The following LRP1 variants were observed in gnomAD, a reference collection of about 807,000 sequenced individuals.
LRP1 encodes LDL receptor related protein 1.
LRP1 carries 51 observed loss-of-function variants against 541.5 expected under a neutral mutation model. The ratio of observed to expected loss-of-function variants is 0.09; its 90% confidence interval spans 0.08 to 0.12. The LOEUF (loss-of-function observed/expected upper bound fraction) is 0.12. Among genes scored for constraint, LRP1 ranks in the 10% least tolerant of loss-of-function variants. LRP1 has a pLI of 1.00. For missense variants in LRP1, 3,878 were observed against 6,376.2 expected (o/e 0.61, Z 13.34); for synonymous variants, 2,219 against 2,470.8 (o/e 0.90, Z 3.02).
chr12:57,156,044 G>A lies in LRP1; in HGVS notation c.1228-50G>A. The stretch of plus-strand genomic sequence containing the variant: ...AGCTGAGGGGATCTCCAGGACAGAG[G>A]GAGGAACCCCTGTCATCTCATGCTG... On this transcript the variant is annotated intron_variant, in intron 8 of 88. Coordinates refer to ENST00000243077, the MANE Select transcript of LRP1 (RefSeq NM_002332.3). The surrounding 1 kb of genome is among the most constrained non-coding windows in gnomAD (Gnocchi z 5.2). 2 of 1,515,346 alleles carry A rather than the reference G, an allele frequency of 1.3e-6. No individual in the cohort carries two copies. The highest frequency in any genetic ancestry group is 1.8e-6 in the Non-Finnish European group (2 of 1,099,362). The allele number at this position is 1,515,346 out of a possible 1,614,324, so 93.9% of individuals were successfully genotyped here. A position where few individuals can be genotyped will look rare whatever the true frequency, so the allele number is the denominator to read the frequency against.
rs551675937 is a variant in LRP1, at chr12:57,189,057, G to A, written c.7031+1601G>A. Among the ~76,000 whole-genome samples, 13 of 152,298 alleles carry A rather than the reference G, an allele frequency of 8.5e-5. No individual in the cohort carries two copies. The highest frequency in any genetic ancestry group is 5.8e-4 in the East Asian group (3 of 5,186). On this transcript the variant is annotated intron_variant, in intron 42 of 88. Transcript: ENST00000243077. This position sits in a 1 kb window ranked among gnomAD's most constrained non-coding sequence, Gnocchi z 4.4. The stretch of plus-strand genomic sequence containing the variant: ...CAGCCTCCTCCTGAGCCCTCCCCGC[G>A]TCAGCACTGGAGCACTGATGGCCCT...
chr12:57,134,694 CCTTTCTTT>C (rs1011616671), intron 1 of LRP1, among the ~76,000 whole-genome samples: 1 of 151,840 alleles, frequency 6.6e-6, no homozygotes, highest in Non-Finnish European at 1.5e-5. Flanking sequence ...CATCTGGTTT[CCTTTCTTT>C]CTTTCTTTTT....
intron 44 of LRP1, among the ~76,000 whole-genome samples, chr12:57,192,309 G>A (rs146486310): frequency 2.0e-5 from 3 of 151,986 alleles, no homozygotes; most frequent in African/African-American, 7.2e-5. Context: ...CTCTGCACAC[G>A]CCTGGCATCT....
In LRP1 at chr12:57,195,377, C is replaced by T. The variant is rs547080851; in HGVS notation, c.8415C>T (p.Asp2805=). 1.2e-5 allele frequency: 20 copies of T among 1,608,898 alleles called. No homozygotes were observed. The highest frequency in any genetic ancestry group is 1.6e-4 in the Middle Eastern group (1 of 6,062). ...ACAAAGACTGTGCTGATGGTGCAGACGAGAGCATCGCAGCTGGTTGCTGTG... is the reference window on the plus strand; with the variant it reads ...ACAAAGACTGTGCTGATGGTGCAGATGAGAGCATCGCAGCTGGTTGCTGTG... ...DGDKDCADGA[D]ESIAAGCLYN... Residue 2805 remains aspartate, a synonymous_variant, in exon 52 of 89, where the codon GAC becomes GAT. Coordinates refer to ENST00000243077, the MANE Select transcript of LRP1 (RefSeq NM_002332.3).
At position 57,179,092 on chromosome 12, in the gene LRP1, G is replaced by C; in HGVS notation, c.4738+71G>C. The C allele has an allele frequency of 6.4e-7, 1 of 1,558,098 alleles. No homozygotes were observed. Among genetic ancestry groups the C allele is most frequent in the South Asian group, 1.2e-5 (1 of 82,756 alleles). ...GGAAGGCCGCAGGCCCCAGGATCCC[G>C]GTTGTCAGCTAAGGCAGAGTCCCAG... On this transcript the variant is annotated intron_variant, in intron 28 of 88. Coordinates refer to ENST00000243077, the MANE Select transcript of LRP1 (RefSeq NM_002332.3). This position sits in a 1 kb window ranked among gnomAD's most constrained non-coding sequence, Gnocchi z 6.8.
At chr12:57,187,119 AGC>A in intron 41 of LRP1, 146 bp from the exon 42 acceptor site, 1 of 722,984 alleles carries the variant, frequency 1.4e-6, no homozygotes, top group Non-Finnish European at 2.2e-6. Flanking sequence ...GGTGCCCCCG[AGC>A]CCTCTCTGCT....
intron 11 of LRP1, 91 bp from the exon 12 acceptor site, chr12:57,159,734 C>T (rs963948214): frequency 1.5e-6 from 2 of 1,352,378 alleles, no homozygotes; most frequent in Non-Finnish European, 2.1e-6. Context: ...GCCCAGACTG[C>T]TCAAAGGTAC....
rs1187567255 is a variant in LRP1 at position 57,197,055 on chromosome 12, C to T, written c.8966C>T (p.Thr2989Ile). 4.3e-6 allele frequency: 7 copies of T among 1,613,968 alleles called. No homozygotes were observed. Among genetic ancestry groups the T allele is most frequent in the African/African-American group, 1.3e-5 (1 of 74,936 alleles). Residue 2989 changes from threonine to isoleucine, a missense_variant, in exon 56 of 89, where the codon ACC becomes ATC. This residue lies in a region of LRP1 where 1,100 missense variants were observed against 1,827.4 expected (regional missense o/e 0.60). Coordinates refer to ENST00000243077, the MANE Select transcript of LRP1 (RefSeq NM_002332.3). The surrounding 1 kb of genome is among the most constrained non-coding windows in gnomAD (Gnocchi z 4.5). ...GCTGATGTGGACGAGTGCAGCACCA[C>T]CTTCCCCTGCAGCCAGCGCTGCATC... ...TCADVDECST[T>I]FPCSQRCINT...
intron 77 of LRP1, 49 bp from the exon 78 acceptor site, chr12:57,208,662 C>A: frequency 8.1e-7 from 1 of 1,234,344 alleles, no homozygotes; most frequent in South Asian, 1.3e-5. Context: ...CTGGGCCTGC[C>A]TCCTCTGGCC....
In LRP1 at chr12:57,204,139, G is replaced by C. The variant is rs905796081; in HGVS notation, c.10952-271G>C. On this transcript the variant is annotated intron_variant, in intron 70 of 88. Transcript: ENST00000243077. This position sits in a 1 kb window ranked among gnomAD's most constrained non-coding sequence, Gnocchi z 5.3. ...CCAGTGCTGTTCCCACGTCCCCGCT[G>C]TGGAACTACACAGCACAGTGCCCTG... 5 of 361,710 alleles carry C rather than the reference G, an allele frequency of 1.4e-5. No individual in the cohort carries two copies. The highest frequency in any genetic ancestry group is 2.0e-5 in the Non-Finnish European group (4 of 200,650). 22.4% of individuals were successfully genotyped at this position (361,710 alleles called of 1,614,324 possible). A position where few individuals can be genotyped will look rare whatever the true frequency, so the allele number is the denominator to read the frequency against.
intron 2 of LRP1, 50 bp from the exon 3 acceptor site, chr12:57,141,324 A>G: frequency 6.2e-7 from 1 of 1,610,622 alleles, no homozygotes; most frequent in Non-Finnish European, 8.5e-7. Flanking sequence ...AGCTGACCAG[A>G]GAGCCACCAT....
chr12:57,188,187 C>A (rs1289437538), intron 42 of LRP1, among the ~76,000 whole-genome samples: 1 of 152,152 alleles, frequency 6.6e-6, no homozygotes, highest in Non-Finnish European at 1.5e-5. Context: ...GGAGGGTTCA[C>A]CCGCAGTCAG....
intron 6 of LRP1, among the ~76,000 whole-genome samples, chr12:57,151,348 C>T (rs968053039): frequency 6.6e-6 from 1 of 152,162 alleles, no homozygotes; most frequent in East Asian, 1.9e-4. Context: ...TCGTCTGACT[C>T]CTGCACCTCT....
At chr12:57,166,273 G>T (rs552677412) in intron 17 of LRP1, 64 bp downstream of exon 17, 137 of 1,526,432 alleles carry the variant, frequency 9.0e-5, no homozygotes, top group Non-Finnish European at 7.9e-5. Flanking sequence ...GAGACGAGGG[G>T]GCCAGGTTCA....
Position 57,185,390 on chromosome 12 carries a change from T to C in LRP1, c.6464-141T>C. 7.5e-6 allele frequency: 10 copies of C among 1,327,966 alleles called. No individual in the cohort carries two copies. Among genetic ancestry groups the C allele is most frequent in the East Asian group, 2.4e-5 (1 of 40,838 alleles). The allele number at this position is 1,327,966 out of a possible 1,614,324, so 82.3% of individuals were successfully genotyped here. ...AGGTGCTCTGGGACAGATCTTGGCA[T>C]TGGACTCTGGGCCCTGGAGGGTCAT... is the stretch of plus-strand genomic sequence containing the variant. On this transcript the variant is annotated intron_variant, in intron 40 of 88. Transcript: ENST00000243077. The surrounding 1 kb of genome is among the most constrained non-coding windows in gnomAD (Gnocchi z 4.9).
Position 57,176,019 on chromosome 12 carries a change from C to T in LRP1, c.3904C>T (p.Leu1302=), listed in dbSNP as rs757373064. 4 of 1,614,244 alleles carry T rather than the reference C, an allele frequency of 2.5e-6. No individual in the cohort carries two copies. The highest frequency in any genetic ancestry group is 1.6e-4 in the Middle Eastern group (1 of 6,062). The part of the protein sequence containing the change: ...LVPGLRNTIA[L]DFHLSQSALY... The stretch of plus-strand genomic sequence containing the variant: ...GCCCGGCCTGCGCAACACCATCGCC[C>T]TGGACTTCCACCTCAGCCAGAGCGC... The change falls in exon 24 of 89, where the codon CTG becomes TTG. Residue 1302 remains leucine, a synonymous_variant. Coordinates refer to ENST00000243077, the MANE Select transcript of LRP1 (RefSeq NM_002332.3).
At chr12:57,182,762 G>GCCGA (rs2036190857) in intron 34 of LRP1, among the ~76,000 whole-genome samples, 2 of 152,112 alleles carry the variant, frequency 1.3e-5, no homozygotes, top group Non-Finnish European at 2.9e-5. Context: ...GTTGTGGTGA[G>GCCGA]CCGAGATCGC....
At chr12:57,161,142 G>C (rs753167887) in intron 13 of LRP1, 27 bp downstream of exon 13, 1 of 1,602,926 alleles carries the variant, frequency 6.2e-7, no homozygotes, top group South Asian at 1.1e-5. Flanking sequence ...CTGTGTGGGG[G>C]AATCTGTGTG....
rs1025839584 is a variant in LRP1, at chr12:57,178,433, C to T, written c.4436C>T (p.Ser1479Leu). ...MEVLRGHEFL[S>L]HPFAVTLYGG... The stretch of plus-strand genomic sequence containing the variant: ...GTGCTTCGGGGACACGAGTTCCTGT[C>T]GCACCCGTTTGCAGTGACGCTGTAC... The change falls in exon 27 of 89, where the codon TCG (serine) becomes TTG (leucine). Residue 1479 changes from serine to leucine, a missense_variant. Physicochemically the swap from Ser to Leu is moderately radical, Grantham distance 145. This residue lies in a region of LRP1 where 54 missense variants were observed against 167.7 expected (regional missense o/e 0.32). Transcript: ENST00000243077. This position sits in a 1 kb window ranked among gnomAD's most constrained non-coding sequence, Gnocchi z 5.8. 28 of 1,614,122 alleles carry T rather than the reference C, an allele frequency of 1.7e-5. No individual in the cohort carries two copies. The highest frequency in any genetic ancestry group is 1.6e-4 in the Middle Eastern group (1 of 6,084).
Sources: gnomAD v4.1 joint callset for allele counts (sites outside exome capture counted in the v4.1 genomes callset) on GRCh38, gnomAD v4.1.1 for gene constraint, gnomAD v4.1.1 regional missense constraint, Gnocchi (gnomAD v3.1) non-coding constraint, MANE v1.5 for transcripts, NCBI Gene and HGNC (gene_info 2026-07-23, HGNC 2026-07-21) for gene names.